Variants in NEURL1B observed in about 807,000 individuals in gnomAD.
NEURL1B encodes the protein neuralized E3 ubiquitin protein ligase 1B, also known as E3 ubiquitin-protein ligase NEURL1B.
In NEURL1B, 13 loss-of-function variants were observed where a neutral mutation model predicts 37.4. The ratio of observed to expected loss-of-function variants is 0.35; its 90% CI spans 0.23 to 0.55. The LOEUF (loss-of-function observed/expected upper bound fraction) is 0.55, where lower values mean the gene tolerates loss of function less well. Among genes scored for constraint, NEURL1B ranks in the 20% least tolerant of loss-of-function variants. NEURL1B has a pLI of 0.89. For missense variants in NEURL1B, 790 were observed against 879.2 expected, an observed-to-expected ratio of 0.90 and a Z score of 1.28; for synonymous variants, 432 against 426.6, an observed-to-expected ratio of 1.01 and a Z score of -0.16.
Position 172,641,543 on chromosome 5 carries a change from C to T in NEURL1B, c.31+106C>T. On this transcript the variant is annotated intron_variant, in intron 1 of 4. Transcript: ENST00000369800. This position sits in a 1 kb window ranked among gnomAD's most constrained non-coding sequence, Gnocchi z 6.4. ...ACCCCACGGCCCTTGGAGCCCTCGG[C>T]TCGCAGCGGGCTGGAGTCTCCGGTA... The T allele has an allele frequency of 5.9e-6, 6 of 1,019,310 alleles. No homozygotes were observed. Among genetic ancestry groups the T allele is most frequent in the Non-Finnish European group, 6.3e-6 (5 of 791,486 alleles). The allele number at this position is 1,019,310 out of a possible 1,614,324, so 63.1% of individuals were successfully genotyped here.
intron 1 of NEURL1B, among the ~76,000 whole-genome samples, chr5:172,642,114 T>C (rs1267439292): frequency 6.6e-6 from 1 of 152,202 alleles, no homozygotes; most frequent in Non-Finnish European, 1.5e-5. Context: ...GAGGCCTTAC[T>C]GGAAAATACA....
chr5:172,666,469 T>G (rs1379142934), intron 1 of NEURL1B, among the ~76,000 whole-genome samples: 1 of 152,194 alleles, frequency 6.6e-6, no homozygotes, highest in Non-Finnish European at 1.5e-5. Flanking sequence ...TGGTTGCTAG[T>G]ATCAGAAACC....
chr5:172,651,354 A>G (rs1231237465), intron 1 of NEURL1B, among the ~76,000 whole-genome samples: 3 of 152,224 alleles, frequency 2.0e-5, no homozygotes, highest in Non-Finnish European at 4.4e-5. Context: ...CCTGACAAGA[A>G]TAAGTGCACC....
At chr5:172,666,557 T>C (rs1758019315) in intron 1 of NEURL1B, among the ~76,000 whole-genome samples, 1 of 152,050 alleles carries the variant, frequency 6.6e-6, no homozygotes, top group South Asian at 2.1e-4. Flanking sequence ...CACCCTAGTA[T>C]CTAGAGTTGG....
rs79805730 is a variant in NEURL1B, at chr5:172,678,838, C to A, written c.578-4581C>A. On this transcript the variant is annotated intron_variant, in intron 2 of 4. Coordinates refer to ENST00000369800, the MANE Select transcript of NEURL1B (RefSeq NM_001142651.3). ...CTCTGTCCCCAGTTGTCCCTGCCTTCATTTTCGTGTCTACACCAAGATGGT... is the reference window on the plus strand; with the variant it reads ...CTCTGTCCCCAGTTGTCCCTGCCTTAATTTTCGTGTCTACACCAAGATGGT... 5.2e-3 allele frequency among the ~76,000 whole-genome samples: 793 copies of A among 152,304 alleles called. 5 individuals are homozygous for A. The highest frequency in any genetic ancestry group is 0.018 in the African/African-American group (758 of 41,566).
intron 2 of NEURL1B, among the ~76,000 whole-genome samples, 177 bp downstream of exon 2, chr5:172,670,507 C>T (rs1758107701): frequency 6.6e-6 from 1 of 152,246 alleles, no homozygotes; most frequent in Non-Finnish European, 1.5e-5. Flanking sequence ...TCCGGTTTTA[C>T]AGATGCGAAA....
At chr5:172,679,689 G>A (rs1054222938) in intron 2 of NEURL1B, among the ~76,000 whole-genome samples, 1 of 152,222 alleles carries the variant, frequency 6.6e-6, no homozygotes, top group East Asian at 1.9e-4. Flanking sequence ...CCAGCACAAT[G>A]TCACATTCAT....
chr5:172,644,096 G>C (rs1757518087), intron 1 of NEURL1B, among the ~76,000 whole-genome samples: 1 of 152,086 alleles, frequency 6.6e-6, no homozygotes, highest in African/African-American at 2.4e-5. Context: ...TTTCTTGTCT[G>C]TCTCCCCCAG....
intron 1 of NEURL1B, among the ~76,000 whole-genome samples, chr5:172,664,543 T>C (rs1581428765): frequency 6.6e-6 from 1 of 152,130 alleles, no homozygotes; most frequent in Admixed American, 6.5e-5. Flanking sequence ...GATGTGGCTG[T>C]TGTGTTTGTT....
chr5:172,673,506 C>T (rs1259538516), intron 2 of NEURL1B, among the ~76,000 whole-genome samples: 1 of 152,056 alleles, frequency 6.6e-6, no homozygotes, highest in Non-Finnish European at 1.5e-5. Context: ...AACCTGAAAA[C>T]CAACAAACAA....
At chr5:172,644,709 T>A (rs1757529494) in intron 1 of NEURL1B, among the ~76,000 whole-genome samples, 1 of 152,206 alleles carries the variant, frequency 6.6e-6, no homozygotes, top group South Asian at 2.1e-4. Flanking sequence ...ACACTTTGCA[T>A]ACAGTTAGGC....
Position 172,683,750 on chromosome 5 carries a change from G to A in NEURL1B, c.909G>A (p.Arg303=). 3 of 1,317,006 alleles carry A rather than the reference G, an allele frequency of 2.3e-6. No individual in the cohort carries two copies. Among genetic ancestry groups the A allele is most frequent in the South Asian group, 1.7e-5 (1 of 58,812 alleles). The allele number at this position is 1,317,006 out of a possible 1,614,324, so 81.6% of individuals were successfully genotyped here. The part of the protein sequence containing the change: ...SADRKVACAP[R]PDGGRTLVFS... ...ACCGCAAAGTGGCCTGCGCACCGCG[G>A]CCCGACGGCGGCCGCACGCTGGTCT... The change falls in exon 3 of 5, where the codon CGG becomes CGA. Residue 303 remains arginine (R), a synonymous_variant. Transcript: ENST00000369800. The surrounding 1 kb of genome is among the most constrained non-coding windows in gnomAD (Gnocchi z 5.6).
rs1757590578 is a variant in NEURL1B at position 172,647,963 on chromosome 5, C to G, written c.31+6526C>G. Among the ~76,000 whole-genome samples the G allele has an allele frequency of 6.6e-6, 1 of 152,150 alleles. No homozygotes were observed. The highest frequency in any genetic ancestry group is 1.5e-5 in the Non-Finnish European group (1 of 68,022). The stretch of plus-strand genomic sequence containing the variant: ...CCCAGGGTCCTCACAGGCCCTTCCC[C>G]CATCCCGGACTTCCAGGCAGCCCCC... On this transcript the variant is annotated intron_variant, in intron 1 of 4. Transcript: ENST00000369800. The surrounding 1 kb of genome is among the most constrained non-coding windows in gnomAD (Gnocchi z 4.2).
intron 2 of NEURL1B, among the ~76,000 whole-genome samples, chr5:172,680,155 T>A (rs1758320708): frequency 6.6e-6 from 1 of 152,186 alleles, no homozygotes; most frequent in South Asian, 2.1e-4. Context: ...GAGCACTTAG[T>A]GCCATGCTCT....
chr5:172,658,745 G>T (rs1757839845), intron 1 of NEURL1B, among the ~76,000 whole-genome samples: 1 of 152,056 alleles, frequency 6.6e-6, no homozygotes, highest in African/African-American at 2.4e-5. Flanking sequence ...CTGGGAGGGG[G>T]TCTGGTAGCC....
chr5:172,666,810 C>T (rs1027722533), intron 1 of NEURL1B, among the ~76,000 whole-genome samples: 1 of 152,144 alleles, frequency 6.6e-6, no homozygotes, highest in Admixed American at 6.5e-5. Context: ...CCATATTCTG[C>T]CTCCCTGCAT....
chr5:172,653,467 TC>T (rs1281524025), intron 1 of NEURL1B, among the ~76,000 whole-genome samples: 7 of 152,206 alleles, frequency 4.6e-5, no homozygotes, highest in Non-Finnish European at 7.3e-5. Flanking sequence ...GTTTATAGAC[TC>T]TTTTTAACCT....
intron 2 of NEURL1B, among the ~76,000 whole-genome samples, chr5:172,673,827 A>AAC (rs1397765373): frequency 6.6e-6 from 1 of 151,714 alleles, no homozygotes; most frequent in Non-Finnish European, 1.5e-5. Context: ...AAAAAAAAAA[A>AAC]AAAAGTGTAT....
rs200855571 is a variant in NEURL1B at position 172,645,019 on chromosome 5, TG to T, written c.31+3584del. On this transcript the variant is annotated intron_variant, in intron 1 of 4. Transcript: ENST00000369800. ...AACAGGTTGGGTTTCATCATTAAGTTGGCCCACGCTTGACCGAACCAACAGC... is the reference window on the plus strand; with the variant it reads ...AACAGGTTGGGTTTCATCATTAAGTTGCCCACGCTTGACCGAACCAACAGC... Among the ~76,000 whole-genome samples, 421 of 152,322 alleles carry T rather than the reference TG, an allele frequency of 2.8e-3. 3 individuals carry two copies. Among genetic ancestry groups the T allele is most frequent in the African/African-American group, 9.6e-3 (398 of 41,572 alleles).
Sources: allele counts gnomAD v4.1 joint callset (sites outside exome capture counted in the v4.1 genomes callset), GRCh38; gene constraint gnomAD v4.1.1; non-coding constraint Gnocchi (gnomAD v3.1); transcripts MANE v1.5; gene names NCBI Gene and HGNC (gene_info 2026-07-23, HGNC 2026-07-21).